The following COL5A2 variants were observed in gnomAD, a reference collection of about 807,000 sequenced individuals.
COL5A2 encodes the protein collagen alpha-2(V) chain.
COL5A2 carries 23 observed loss-of-function variants against 208.2 expected under a neutral mutation model. The ratio of observed to expected loss-of-function variants is 0.11; its 90% CI spans 0.08 to 0.16. The LOEUF (loss-of-function observed/expected upper bound fraction) is 0.16. Ranked by LOEUF, COL5A2 falls within the 10% of genes least tolerant of loss-of-function variation. The pLI is 1.00. For missense variants in COL5A2, 1,590 were observed against 1,956.4 expected (o/e 0.81, Z 3.53); for synonymous variants, 625 against 628.5 (o/e 0.99, Z 0.08).
the COL5A2 span, among the ~76,000 whole-genome samples, chr2:189,262,669 A>T: frequency 6.6e-6 from 1 of 152,090 alleles, no homozygotes; most frequent in Admixed American, 6.6e-5. Flanking sequence ...TTAAATCCCT[A>T]TATTGTTCTA....
At chr2:189,247,484 T>C in the COL5A2 span, among the ~76,000 whole-genome samples, 8 of 151,976 alleles carry the variant, frequency 5.3e-5, no homozygotes, top group Non-Finnish European at 1.0e-4. Flanking sequence ...ACATTTATTT[T>C]CCCCTGGGGC....
chr2:189,127,777 TAG>T (rs1241868702), intron 1 of COL5A2, among the ~76,000 whole-genome samples: 2 of 152,112 alleles, frequency 1.3e-5, no homozygotes, highest in Admixed American at 1.3e-4. Context: ...GTATCAAATG[TAG>T]AGTCATGCTC....
intron 16 of COL5A2, 135 bp downstream of exon 16, chr2:189,078,381 T>C (rs766352062): frequency 3.0e-6 from 2 of 676,362 alleles, no homozygotes; most frequent in Non-Finnish European, 5.0e-6. Context: ...CCTGACTTTA[T>C]TCCAAAAGAA....
chr2:189,320,857 A>G, the COL5A2 span, among the ~76,000 whole-genome samples: 3 of 152,230 alleles, frequency 2.0e-5, no homozygotes, highest in Non-Finnish European at 4.4e-5. Context: ...TCCAAGACAC[A>G]TAATTGTCAG....
chr2:189,072,137 A>G (rs757315578), intron 17 of COL5A2, 44 bp from the exon 18 acceptor site: 4 of 1,373,660 alleles, frequency 2.9e-6, no homozygotes, highest in Non-Finnish European at 4.1e-6. Context: ...GTATTCAATT[A>G]GTATCTAATT....
chr2:189,102,103 T>A (rs546599750), intron 3 of COL5A2, among the ~76,000 whole-genome samples: 1 of 152,176 alleles, frequency 6.6e-6, no homozygotes, highest in African/African-American at 2.4e-5. Context: ...CAAAGGACTT[T>A]ATGATGCTGA....
chr2:189,341,590 GT>G, the COL5A2 span, among the ~76,000 whole-genome samples: 3 of 151,808 alleles, frequency 2.0e-5, no homozygotes, highest in Non-Finnish European at 4.4e-5. Flanking sequence ...ACAATAATTT[GT>G]TTTCAGCTAT....
chr2:189,436,260 G>T, the COL5A2 span, among the ~76,000 whole-genome samples: 1 of 152,034 alleles, frequency 6.6e-6, no homozygotes, highest in Admixed American at 6.6e-5. Flanking sequence ...AAAAGCAATG[G>T]CAACAAAAAC....
the COL5A2 span, among the ~76,000 whole-genome samples, chr2:189,303,944 T>C: frequency 6.6e-6 from 1 of 152,188 alleles, no homozygotes; most frequent in African/African-American, 2.4e-5. Flanking sequence ...ACATTTAATT[T>C]GGCTGACGTT....
the COL5A2 span, among the ~76,000 whole-genome samples, chr2:189,298,497 G>A: frequency 3.9e-5 from 6 of 152,130 alleles, no homozygotes; most frequent in East Asian, 9.7e-4. Flanking sequence ...TAGGGTGGCC[G>A]AAGTCTGCTT....
intron 51 of COL5A2, 80 bp from the exon 52 acceptor site, chr2:189,036,883 GT>G: frequency 8.7e-7 from 1 of 1,151,546 alleles, no homozygotes; most frequent in South Asian, 1.3e-5. Context: ...TTAACAGAGG[GT>G]TTGAAAATAT....
chr2:189,251,387 AC>A, the COL5A2 span, among the ~76,000 whole-genome samples: 1 of 152,110 alleles, frequency 6.6e-6, no homozygotes, highest in South Asian at 2.1e-4. Flanking sequence ...TGTTCCTAGA[AC>A]TGGTCATGGC....
chr2:189,311,146 G>A, the COL5A2 span: 8 of 610,046 alleles, frequency 1.3e-5, no homozygotes, highest in Non-Finnish European at 2.3e-5. Context: ...GGGCTGAAGT[G>A]GACCCCCAGC....
At chr2:189,269,178 A>C in the COL5A2 span, among the ~76,000 whole-genome samples, 1 of 152,152 alleles carries the variant, frequency 6.6e-6, no homozygotes. Context: ...TATGGAAAAA[A>C]ATTAATTCTA....
intron 6 of COL5A2, among the ~76,000 whole-genome samples, chr2:189,094,870 G>A (rs1159752273): frequency 6.6e-6 from 1 of 150,756 alleles, no homozygotes; most frequent in African/African-American, 2.4e-5. Context: ...TAATCCTGAA[G>A]GTCTTGTAGG....
intron 1 of COL5A2, among the ~76,000 whole-genome samples, chr2:189,135,671 CAT>C (rs1362299785): frequency 2.0e-5 from 3 of 152,110 alleles, no homozygotes; most frequent in Admixed American, 6.6e-5. Context: ...AAAAAGAACA[CAT>C]ATTTTATAAG....
the COL5A2 span, among the ~76,000 whole-genome samples, chr2:189,347,032 C>T: frequency 5.3e-5 from 8 of 152,140 alleles, no homozygotes; most frequent in African/African-American, 1.9e-4. Flanking sequence ...TCTCCTCTTC[C>T]AATCCCCATT....
At chr2:189,408,050 T>A in the COL5A2 span, among the ~76,000 whole-genome samples, 1 of 152,296 alleles carries the variant, frequency 6.6e-6, no homozygotes, top group South Asian at 2.1e-4. Flanking sequence ...TGACTGGCTC[T>A]GCTTACCTGG....
Position 189,085,741 on chromosome 2 carries a change from T to C in COL5A2, c.722A>G (p.Glu241Gly), listed in dbSNP as rs773748617. 1 of 1,613,640 alleles carries C rather than the reference T, an allele frequency of 6.2e-7. No individual in the cohort carries two copies. Among genetic ancestry groups the C allele is most frequent in the Admixed American group, 1.7e-5 (1 of 60,006 alleles). ...GGAGPTGPPG[E>G]PGDPGPMGPI... is the part of the protein sequence containing the mutation. Reference sequence around the variant, plus strand: ...TACCATTGGTCCAGGATCACCAGGTTCACCAGGAGGTCCTGTAGGTCCTGC... The same window carrying C: ...TACCATTGGTCCAGGATCACCAGGTCCACCAGGAGGTCCTGTAGGTCCTGC... Residue 241 changes from glutamate to glycine, a missense_variant, in exon 10 of 54, where the codon GAA becomes GGA. By Grantham distance (98) the Glu-to-Gly change is moderately conservative. Coordinates refer to ENST00000374866, the MANE Select transcript of COL5A2 (RefSeq NM_000393.5).
Sources: gnomAD v4.1 joint callset for allele counts (sites outside exome capture counted in the v4.1 genomes callset) on GRCh38, gnomAD v4.1.1 for gene constraint, MANE v1.5 for transcripts, NCBI Gene and HGNC (gene_info 2026-07-23, HGNC 2026-07-21) for gene names.